Variants in RELN observed in about 807,000 individuals in gnomAD.
The protein encoded by RELN is reelin.
RELN carries 108 observed loss-of-function variants against 427.6 expected under a neutral mutation model. The ratio of observed to expected loss-of-function variants is 0.25; its 90% CI spans 0.22 to 0.30. The LOEUF is 0.30. Ranked by LOEUF, RELN falls within the 10% of genes least tolerant of loss-of-function variation. RELN has a pLI of 1.00. For missense variants in RELN, 3,715 were observed against 4,302.8 expected (o/e 0.86, Z 3.82); for synonymous variants, 1,524 against 1,513.4 (o/e 1.01, Z -0.16).
At chr7:103,601,269 T>G (rs1831661897) in intron 24 of RELN, among the ~76,000 whole-genome samples, 1 of 152,158 alleles carries the variant, frequency 6.6e-6, no homozygotes. Flanking sequence ...CAATGCATTT[T>G]GATAACTGAG....
intron 3 of RELN, among the ~76,000 whole-genome samples, chr7:103,791,070 G>A (rs1792150813): frequency 6.6e-6 from 1 of 152,078 alleles, no homozygotes; most frequent in Non-Finnish European, 1.5e-5. Flanking sequence ...CAGAAGAAGT[G>A]TAAGACTTGT....
At chr7:103,969,746 A>T (rs925815812) in intron 1 of RELN, among the ~76,000 whole-genome samples, 7 of 152,244 alleles carry the variant, frequency 4.6e-5, no homozygotes, top group African/African-American at 1.7e-4. Context: ...CTGAAGGCAG[A>T]AACCATACAA....
intron 1 of RELN, among the ~76,000 whole-genome samples, chr7:103,947,189 C>T (rs1781291601): frequency 6.6e-6 from 1 of 152,130 alleles, no homozygotes; most frequent in African/African-American, 2.4e-5. Context: ...CTCATTATAC[C>T]TTACAACATA....
chr7:103,783,061 G>T (rs1791931683), intron 3 of RELN, among the ~76,000 whole-genome samples: 1 of 151,558 alleles, frequency 6.6e-6, no homozygotes, highest in South Asian at 2.1e-4. Flanking sequence ...AAAAAGAGTT[G>T]ATCTGAGTTC....
intron 51 of RELN, among the ~76,000 whole-genome samples, chr7:103,503,765 T>A (rs1015935451): frequency 1.3e-5 from 2 of 152,126 alleles, no homozygotes; most frequent in Non-Finnish European, 2.9e-5. Context: ...GGGATTTAGG[T>A]AGACAGAATA....
intron 1 of RELN, among the ~76,000 whole-genome samples, chr7:103,967,355 G>A (rs992245851): frequency 6.6e-6 from 1 of 152,060 alleles, no homozygotes; most frequent in Non-Finnish European, 1.5e-5. Context: ...ATATCAAGGG[G>A]CTCCTGATGT....
chr7:103,920,244 A>G (rs957557393), intron 1 of RELN, among the ~76,000 whole-genome samples: 7 of 152,216 alleles, frequency 4.6e-5, no homozygotes, highest in Non-Finnish European at 8.8e-5. Flanking sequence ...GTAGACTTGC[A>G]TAAGTAGAAG....
At chr7:103,586,868 A>T (rs573396644) in intron 28 of RELN, among the ~76,000 whole-genome samples, 2 of 144,650 alleles carry the variant, frequency 1.4e-5, no homozygotes, top group Non-Finnish European at 1.5e-5. Flanking sequence ...AACACTGTAG[A>T]TGGAAGAAAC....
chr7:103,484,603 A>G (rs944294999), intron 61 of RELN: 3 of 152,340 alleles, frequency 2.0e-5, no homozygotes, highest in Admixed American at 6.5e-5. Context: ...ATTGTCTTCT[A>G]TATTATACAT....
intron 43 of RELN, among the ~76,000 whole-genome samples, chr7:103,541,672 C>A (rs528610214): frequency 6.6e-6 from 1 of 152,132 alleles, no homozygotes; most frequent in Non-Finnish European, 1.5e-5. Context: ...ATATTGTCTA[C>A]TTGTATTGAG....
rs997045541 is a variant in RELN, at chr7:103,921,096, A to G, written c.227-3911T>C. Among the ~76,000 whole-genome samples, 4 of 152,182 alleles carry G rather than the reference A, an allele frequency of 2.6e-5. No individual in the cohort carries two copies. The East Asian group carries it at 7.7e-4, about 29-fold the overall frequency. ...ACTTCTATGAGCTAAGACTTGTGTA[A>G]GCACTGTAATTTGGGTTTTATTAAC... is the stretch of plus-strand genomic sequence containing the variant. On this transcript the variant is annotated intron_variant, in intron 1 of 64. Transcript: ENST00000428762.
At chr7:103,712,549 C>T (rs932191674) in intron 8 of RELN, among the ~76,000 whole-genome samples, 2 of 152,122 alleles carry the variant, frequency 1.3e-5, no homozygotes, top group South Asian at 4.1e-4. Context: ...ATATGCCATG[C>T]CTAGAGCAGC....
At chr7:103,755,231 G>A (rs945054016) in intron 4 of RELN, among the ~76,000 whole-genome samples, 8 of 151,380 alleles carry the variant, frequency 5.3e-5, no homozygotes, top group East Asian at 1.9e-4. Flanking sequence ...TGAGGTGGGC[G>A]GATCACGAGG....
intron 8 of RELN, among the ~76,000 whole-genome samples, chr7:103,703,490 C>A (rs1046179324): frequency 1.2e-4 from 18 of 152,274 alleles, no homozygotes; most frequent in African/African-American, 4.1e-4. Context: ...AATGTCACTC[C>A]TGGCTCCCTG....
In RELN at chr7:103,540,402, C is replaced by G; in HGVS notation, c.6725G>C (p.Arg2242Thr). Reference protein sequence around the residue: ...LGCGKGVPDPRSQPVLLQYSL... With the variant: ...LGCGKGVPDPTSQPVLLQYSL... ...ATACTGTAGGAGCACGGGTTGACTC[C>G]TGGGGTCAGGAACGCCTTTACCACA... The change falls in exon 44 of 65, where the codon AGG becomes ACG. Residue 2242 changes from arginine to threonine, a missense_variant. By Grantham distance (71) the Arg-to-Thr change is moderately conservative. Coordinates refer to ENST00000428762, the MANE Select transcript of RELN (RefSeq NM_005045.4). 1.9e-6 allele frequency: 3 copies of G among 1,614,098 alleles called. No homozygotes were observed. The highest frequency in any genetic ancestry group is 2.2e-5 in the South Asian group (2 of 91,080).
In RELN at chr7:103,508,792, C is replaced by T. The variant is rs531019579; in HGVS notation, c.8274+2059G>A. Among the ~76,000 whole-genome samples, 27 of 152,318 alleles carry T rather than the reference C, an allele frequency of 1.8e-4. No homozygotes were observed. In the South Asian group the frequency reaches 5.6e-3, roughly 32 times the overall value. On this transcript the variant is annotated intron_variant, in intron 51 of 64. Coordinates refer to ENST00000428762, the MANE Select transcript of RELN (RefSeq NM_005045.4). ...CCCAAAATCTCCTTAAGCTGATAAG[C>T]AACTTCAGCAAAGTCTCAGGATACA...
chr7:103,540,098 G>T, intron 44 of RELN, 99 bp downstream of exon 44: 1 of 1,375,264 alleles, frequency 7.3e-7, no homozygotes, highest in Non-Finnish European at 1.0e-6. Flanking sequence ...TCAGTTCTGG[G>T]TTTCATCTAC....
chr7:103,908,723 A>G (rs1795273852), intron 2 of RELN, among the ~76,000 whole-genome samples: 1 of 152,236 alleles, frequency 6.6e-6, no homozygotes, highest in Admixed American at 6.5e-5. Flanking sequence ...TATTTATCAT[A>G]TGTCAAATAT....
At chr7:103,710,359 G>A (rs556177353) in intron 8 of RELN, among the ~76,000 whole-genome samples, 2 of 152,324 alleles carry the variant, frequency 1.3e-5, no homozygotes, top group South Asian at 2.1e-4. Flanking sequence ...TTTTGGGTTA[G>A]TGTGATACAG....
Sources: allele counts gnomAD v4.1 joint callset (sites outside exome capture counted in the v4.1 genomes callset), GRCh38; gene constraint gnomAD v4.1.1; transcripts MANE v1.5; gene names NCBI Gene and HGNC (gene_info 2026-07-23, HGNC 2026-07-21).